The following TKTL1 variants were observed in gnomAD, a reference collection of about 807,000 sequenced individuals.
The protein encoded by TKTL1 is transketolase-like protein 1.
TKTL1 carries 1 observed loss-of-function variant against 39.3 expected under a neutral mutation model. The ratio of observed to expected loss-of-function variants is 0.03; its 90% CI spans 0.01 to 0.12. The LOEUF (loss-of-function observed/expected upper bound fraction) is 0.12. Among genes scored for constraint, TKTL1 ranks in the 10% least tolerant of loss-of-function variants. The probability of loss-of-function intolerance (pLI) is 1.00; values close to 1 mark genes in which losing one functional copy is unlikely to be tolerated. For missense variants in TKTL1, 575 were observed against 509.6 expected (o/e 1.13, Z -1.24); for synonymous variants, 262 against 193.8 (o/e 1.35, Z -2.92).
At chrX:154,322,121 T>A (rs1386668829) in intron 8 of TKTL1, among the ~76,000 whole-genome samples, 1 of 105,557 alleles carries the variant, frequency 9.5e-6, no homozygotes, top group African/African-American at 3.5e-5. Flanking sequence ...GTATTCCAGC[T>A]ACTCAGGACG....
At chrX:154,315,071 G>T in intron 6 of TKTL1, 102 bp from the exon 7 acceptor site, 1 of 915,536 alleles carries the variant, frequency 1.1e-6, no homozygotes, top group East Asian at 3.1e-5. Flanking sequence ...CTTCAAGATA[G>T]ATGATAATTT....
intron 1 of TKTL1, among the ~76,000 whole-genome samples, chrX:154,304,708 C>G (rs1473076375): frequency 9.1e-6 from 1 of 109,439 alleles, no homozygotes; most frequent in African/African-American, 3.3e-5. Flanking sequence ...GGCCTAACAT[C>G]TTTTTTTACT....
intron 11 of TKTL1, 37 bp downstream of exon 11, chrX:154,327,724 G>A: frequency 2.5e-6 from 3 of 1,197,718 alleles, no homozygotes; most frequent in South Asian, 3.5e-5. Context: ...AGTTCAAGCT[G>A]GGAAGAGGTA....
chrX:154,306,659 G>A (rs1557167287), intron 2 of TKTL1, among the ~76,000 whole-genome samples: 1 of 110,242 alleles, frequency 9.1e-6, no homozygotes, highest in African/African-American at 3.3e-5. Context: ...TTTTTGGGGA[G>A]GTAGAGTCTC....
intron 3 of TKTL1, among the ~76,000 whole-genome samples, chrX:154,309,770 CTG>C (rs2067341964): frequency 9.0e-6 from 1 of 111,493 alleles, no homozygotes; most frequent in Non-Finnish European, 1.9e-5. Flanking sequence ...GAGTCTCACT[CTG>C]TGGCCAGGCT....
chrX:154,312,337 C>T (rs1489207412), intron 5 of TKTL1, among the ~76,000 whole-genome samples: 1 of 111,675 alleles, frequency 9.0e-6, no homozygotes, highest in Non-Finnish European at 1.9e-5. Context: ...TTATGATCAC[C>T]CACTGCACTC....
chrX:154,310,067 G>A (rs1440733363), intron 3 of TKTL1, among the ~76,000 whole-genome samples: 1 of 111,525 alleles, frequency 9.0e-6, no homozygotes, highest in Non-Finnish European at 1.9e-5. Context: ...CACTCACGTC[G>A]TTGGTTGTGG....
At chrX:154,311,933 G>A (rs1220204617) in intron 5 of TKTL1, among the ~76,000 whole-genome samples, 1 of 109,894 alleles carries the variant, frequency 9.1e-6, no homozygotes, top group Non-Finnish European at 1.9e-5. Flanking sequence ...TTACATCTTG[G>A]ACCCATTCAC....
At chrX:154,322,525 T>A (rs2067459866) in intron 8 of TKTL1, among the ~76,000 whole-genome samples, 1 of 111,162 alleles carries the variant, frequency 9.0e-6, no homozygotes, top group African/African-American at 3.3e-5. Context: ...AGCGAGACTC[T>A]GTCTCAAAAT....
chrX:154,318,442 G>C (rs2148811010), intron 7 of TKTL1, among the ~76,000 whole-genome samples: 1 of 108,833 alleles, frequency 9.2e-6, no homozygotes, highest in Admixed American at 9.9e-5. Context: ...GCTCACGCCT[G>C]TAATCCCAGC....
At chrX:154,326,759 A>G (rs2067496313) in intron 10 of TKTL1, among the ~76,000 whole-genome samples, 1 of 112,819 alleles carries the variant, frequency 8.9e-6, no homozygotes, top group Non-Finnish European at 1.9e-5. Flanking sequence ...TGTCCTGACA[A>G]AAGCAAGTAA....
intron 10 of TKTL1, chrX:154,327,099 G>A (rs782479166): frequency 1.4e-5 from 3 of 217,123 alleles, no homozygotes; most frequent in East Asian, 1.2e-4. Flanking sequence ...TGTCGAGAGC[G>A]AGGGCTTTGA....
rs782171374 is a variant in TKTL1, at chrX:154,300,956, A to C, written c.135-4348A>C. ...GTGATCTGCCCATCTCGGCCTCCCA[A>C]AGTGCTGGAATTACAGATGTGAGCC... On this transcript the variant is annotated intron_variant, in intron 1 of 12. Transcript: ENST00000369915. Among the ~76,000 whole-genome samples the C allele has an allele frequency of 9.1e-5, 10 of 109,331 alleles. No individual in the cohort carries two copies. In the Admixed American group the frequency reaches 9.7e-4, roughly 11 times the overall value. 94.9% of individuals were successfully genotyped at this position (109,331 alleles called of 115,157 possible). A position where few individuals can be genotyped will look rare whatever the true frequency, so the allele number is the denominator to read the frequency against.
At chrX:154,309,223 G>A in intron 2 of TKTL1, 122 bp from the exon 3 acceptor site, 1 of 564,181 alleles carries the variant, frequency 1.8e-6, no homozygotes, top group African/African-American at 2.2e-5. Flanking sequence ...CAGGGCGGGA[G>A]GGGCTGTTCG....
At chrX:154,309,299 A>G (rs781973048) in intron 2 of TKTL1, 46 bp from the exon 3 acceptor site, 1 of 1,084,055 alleles carries the variant, frequency 9.2e-7, no homozygotes, top group African/African-American at 1.8e-5. Flanking sequence ...ACCTGATACC[A>G]TGTCCTGCAG....
intron 12 of TKTL1, 55 bp downstream of exon 12, chrX:154,328,013 A>G: frequency 8.4e-7 from 1 of 1,188,123 alleles, no homozygotes; most frequent in Admixed American, 2.2e-5. Context: ...TGTTTCCTTG[A>G]TTGGCCACAT....
At chrX:154,313,743 C>G (rs2067375668) in intron 6 of TKTL1, among the ~76,000 whole-genome samples, 1 of 110,151 alleles carries the variant, frequency 9.1e-6, no homozygotes, top group South Asian at 3.9e-4. Flanking sequence ...TCAACACTAG[C>G]CTGGGCAAAG....
intron 2 of TKTL1, among the ~76,000 whole-genome samples, chrX:154,307,796 G>A (rs782701602): frequency 1.8e-5 from 2 of 112,346 alleles, no homozygotes; most frequent in Admixed American, 9.4e-5. Context: ...AGCTTGTTAC[G>A]TGAGTGTGGT....
intron 7 of TKTL1, chrX:154,320,498 G>C (rs1557170351): frequency 1.0e-5 from 4 of 383,438 alleles, no homozygotes; most frequent in Non-Finnish European, 1.8e-5. Context: ...ATGGACCCTG[G>C]AAAGCTGCGG....
Sources: allele counts gnomAD v4.1 joint callset (sites outside exome capture counted in the v4.1 genomes callset), GRCh38; gene constraint gnomAD v4.1.1; transcripts MANE v1.5; gene names NCBI Gene and HGNC (gene_info 2026-07-23, HGNC 2026-07-21).